NAV2: variants seen among roughly 807,000 people sequenced by gnomAD.
NAV2 encodes helicase, APC down-regulated 1.
NAV2 carries 54 observed loss-of-function variants against 223.2 expected under a neutral mutation model. The observed-to-expected ratio is 0.24, with a 90% CI of 0.19 to 0.30. The LOEUF is 0.30. NAV2 is among the 10% of genes least tolerant of loss of function. The pLI, the probability that NAV2 is intolerant of heterozygous loss-of-function variation, is 1.00. For missense variants in NAV2, 2,806 were observed against 3,147.5 expected (o/e 0.89, Z 2.60); for synonymous variants, 1,279 against 1,239.3 (o/e 1.03, Z -0.67).
chr11:19,771,443 A>G (rs940452457), intron 1 of NAV2, among the ~76,000 whole-genome samples: 1 of 151,960 alleles, frequency 6.6e-6, no homozygotes, highest in Non-Finnish European at 1.5e-5. Context: ...GGAAGGAAAA[A>G]CCTTCCATGC....
At chr11:19,854,479 T>C (rs989292370) in intron 3 of NAV2, among the ~76,000 whole-genome samples, 2 of 152,204 alleles carry the variant, frequency 1.3e-5, no homozygotes, top group African/African-American at 4.8e-5. Flanking sequence ...CTTCTGTGGA[T>C]TGGCACGCAA....
At chr11:20,081,670 T>C (rs1003612557) in intron 25 of NAV2, among the ~76,000 whole-genome samples, 2 of 152,194 alleles carry the variant, frequency 1.3e-5, no homozygotes, top group Admixed American at 6.5e-5. Context: ...GATCTAGATT[T>C]GCCCACAAGC....
intron 1 of NAV2, among the ~76,000 whole-genome samples, chr11:19,608,396 A>G (rs1021312869): frequency 1.3e-5 from 2 of 152,218 alleles, no homozygotes; most frequent in Non-Finnish European, 1.5e-5. Flanking sequence ...AAGCAAATAC[A>G]CTGCCTTGCA....
chr11:19,682,291 T>G (rs895726013), intron 1 of NAV2, among the ~76,000 whole-genome samples: 6 of 152,182 alleles, frequency 3.9e-5, no homozygotes, highest in Non-Finnish European at 7.4e-5. Context: ...CTAAGAACTG[T>G]GCTAAACTTT....
At chr11:19,600,146 A>G (rs948871741) in intron 1 of NAV2, among the ~76,000 whole-genome samples, 6 of 152,200 alleles carry the variant, frequency 3.9e-5, no homozygotes, top group African/African-American at 1.4e-4. Context: ...CTGAAGGACT[A>G]TGTTGGACCT....
intron 4 of NAV2, among the ~76,000 whole-genome samples, chr11:19,874,555 G>A (rs1307731625): frequency 6.6e-6 from 1 of 152,102 alleles, no homozygotes; most frequent in African/African-American, 2.4e-5. Flanking sequence ...TTTTTTTTAG[G>A]CTTCCTGTGG....
intron 1 of NAV2, among the ~76,000 whole-genome samples, chr11:19,491,015 C>T (rs954543266): frequency 3.3e-5 from 5 of 152,026 alleles, no homozygotes; most frequent in South Asian, 2.1e-4. Flanking sequence ...AATAATATCT[C>T]GAAAAGAATA....
chr11:19,713,371 G>A lies in NAV2; in HGVS notation c.-325G>A. On this transcript the variant is annotated 5_prime_UTR_variant, in exon 1 of 38. Coordinates refer to ENST00000349880, the MANE Select transcript of NAV2 (RefSeq NM_145117.5). This position sits in a 1 kb window ranked among gnomAD's most constrained non-coding sequence, Gnocchi z 7.2. ...CGTCCAAGCCTCTGTTTCCCAGGAG[G>A]AAATTTGCAAGAGGCGGCAGCCCCT... is the stretch of plus-strand genomic sequence containing the variant. 8.5e-7 allele frequency: 1 copy of A among 1,172,180 alleles called. No homozygotes were observed. The highest frequency in any genetic ancestry group is 3.9e-5 in the East Asian group (1 of 25,450). The allele number at this position is 1,172,180 out of a possible 1,614,324, so 72.6% of individuals were successfully genotyped here. A position where few individuals can be genotyped will look rare whatever the true frequency, so the allele number is the denominator to read the frequency against.
At chr11:20,065,530 G>C (rs1212372623) in intron 20 of NAV2, among the ~76,000 whole-genome samples, 1 of 152,242 alleles carries the variant, frequency 6.6e-6, no homozygotes, top group Non-Finnish European at 1.5e-5. Context: ...TTGTTTGGTA[G>C]GGAACACTGG....
chr11:19,548,944 A>G (rs2044599575), intron 1 of NAV2, among the ~76,000 whole-genome samples: 1 of 151,742 alleles, frequency 6.6e-6, no homozygotes, highest in African/African-American at 2.4e-5. Flanking sequence ...AAAGCTATTA[A>G]GTAGAGGTGA....
chr11:19,642,059 G>A (rs532466782), intron 1 of NAV2, among the ~76,000 whole-genome samples: 86 of 152,122 alleles, frequency 5.7e-4, no homozygotes, highest in Middle Eastern at 3.4e-3. Context: ...AATTAATGAC[G>A]GGCTGCTCTG....
intron 1 of NAV2, among the ~76,000 whole-genome samples, chr11:19,435,227 C>T (rs1370619898): frequency 1.3e-5 from 2 of 152,120 alleles, no homozygotes; most frequent in Admixed American, 1.3e-4. Flanking sequence ...CCCTGTCCAC[C>T]TTTCCCACCC....
chr11:19,900,829 G>T (rs1046405470), intron 6 of NAV2, among the ~76,000 whole-genome samples: 1 of 152,148 alleles, frequency 6.6e-6, no homozygotes, highest in Non-Finnish European at 1.5e-5. Flanking sequence ...ATTTCCAGGG[G>T]AACAGTTAGC....
At chr11:20,087,028 CAGAGGGCA>C (rs745868362) in intron 26 of NAV2, among the ~76,000 whole-genome samples, 38 of 152,106 alleles carry the variant, frequency 2.5e-4, no homozygotes, top group Non-Finnish European at 4.7e-4. Context: ...CGAAGATGAT[CAGAGGGCA>C]AGAGGGCAAG....
chr11:19,790,741 C>T (rs999704173), intron 1 of NAV2, among the ~76,000 whole-genome samples: 1 of 152,118 alleles, frequency 6.6e-6, no homozygotes, highest in Non-Finnish European at 1.5e-5. Flanking sequence ...TTTTACTGCC[C>T]CCCAAGGTGT....
chr11:19,537,019 A>G (rs73420150), intron 1 of NAV2, among the ~76,000 whole-genome samples: 126 of 152,328 alleles, frequency 8.3e-4, no homozygotes, highest in African/African-American at 2.9e-3. Flanking sequence ...AAAAATAGAG[A>G]CATTAATTAG....
chr11:19,929,600 G>A (rs374031828), intron 6 of NAV2, among the ~76,000 whole-genome samples: 1 of 152,186 alleles, frequency 6.6e-6, no homozygotes, highest in South Asian at 2.1e-4. Context: ...AACCAGGGGA[G>A]CCCAGACTAA....
intron 11 of NAV2, among the ~76,000 whole-genome samples, chr11:20,007,862 C>T (rs1329267977): frequency 1.3e-5 from 2 of 152,184 alleles, no homozygotes; most frequent in African/African-American, 4.8e-5. Context: ...GCTATCCCCG[C>T]ACACACTTTA....
chr11:19,588,414 C>T (rs368216494), intron 1 of NAV2, among the ~76,000 whole-genome samples: 1 of 152,194 alleles, frequency 6.6e-6, no homozygotes. Flanking sequence ...AATGACCCAG[C>T]TTGTGAGCCA....
Sources: allele counts gnomAD v4.1 joint callset (sites outside exome capture counted in the v4.1 genomes callset), GRCh38; gene constraint gnomAD v4.1.1; non-coding constraint Gnocchi (gnomAD v3.1); transcripts MANE v1.5; gene names NCBI Gene and HGNC (gene_info 2026-07-23, HGNC 2026-07-21).